ABCD3: variants seen among roughly 807,000 people sequenced by gnomAD.
ABCD3 encodes the protein ATP-binding cassette sub-family D member 3.
A neutral mutation model predicts 105.5 loss-of-function variants in ABCD3; 41 were observed. That is an observed-to-expected ratio of 0.39 (90% CI 0.30 to 0.50). The LOEUF is 0.50. ABCD3 is among the 20% of genes least tolerant of loss of function. The pLI, the probability that ABCD3 is intolerant of heterozygous loss-of-function variation, is 0.84. For synonymous variants in ABCD3, 258 were observed against 269.0 expected (o/e 0.96, Z 0.40); for missense variants, 622 against 806.3 (o/e 0.77, Z 2.77).
the ABCD3 span, among the ~76,000 whole-genome samples, chr1:94,402,935 C>T: frequency 6.1e-5 from 9 of 148,452 alleles, no homozygotes; most frequent in Non-Finnish European, 1.2e-4. Context: ...GTATATCTCC[C>T]AATGCTATCC....
At chr1:94,514,391 C>T (rs1650833466) in intron 21 of ABCD3, 1 of 151,612 alleles carries the variant, frequency 6.6e-6, no homozygotes, top group Non-Finnish European at 1.5e-5. Flanking sequence ...ACCTCCCCAC[C>T]TTGGTTGAGA....
At position 94,499,559 on chromosome 1, in the gene ABCD3, A is replaced by G; in HGVS notation, c.1685A>G (p.Asp562Gly). Reference sequence around the variant, plus strand: ...ATCCTTGAACGTGAAGGAGGCTGGGACAGTGTTCAGGATTGGATGGACGTA... The same window carrying G: ...ATCCTTGAACGTGAAGGAGGCTGGGGCAGTGTTCAGGATTGGATGGACGTA... ...GHILEREGGWDSVQDWMDVLS... is the reference protein window; with the variant it reads ...GHILEREGGWGSVQDWMDVLS... Residue 562 changes from aspartate to glycine, a missense_variant, in exon 20 of 23, where the codon GAC (aspartate) becomes GGC (glycine). Around this residue, in one of 4 missense-constraint regions of ABCD3, gnomAD observed 285 missense variants for 352.5 expected, o/e 0.81. Transcript: ENST00000370214. 6.2e-7 allele frequency: 1 copy of G among 1,613,834 alleles called. No homozygotes were observed. Among genetic ancestry groups the G allele is most frequent in the Non-Finnish European group, 8.5e-7 (1 of 1,179,814 alleles).
intron 22 of ABCD3, among the ~76,000 whole-genome samples, chr1:94,515,620 G>A (rs925450780): frequency 2.0e-5 from 3 of 151,884 alleles, no homozygotes; most frequent in Non-Finnish European, 4.4e-5. Flanking sequence ...GTTTATCAAT[G>A]TACTGTAGTA....
At chr1:94,394,362 C>T in the ABCD3 span, among the ~76,000 whole-genome samples, 1 of 152,268 alleles carries the variant, frequency 6.6e-6, no homozygotes, top group African/African-American at 2.4e-5. Flanking sequence ...GTGCCATGCT[C>T]CTTGCCATGT....
At chr1:94,483,864 G>A (rs1287949578) in intron 10 of ABCD3, among the ~76,000 whole-genome samples, 6 of 152,068 alleles carry the variant, frequency 3.9e-5, no homozygotes, top group Admixed American at 6.5e-5. Context: ...GCAACCTACA[G>A]AATGGGAGAA....
intron 1 of ABCD3, 125 bp downstream of exon 1, chr1:94,418,713 C>T: frequency 4.1e-6 from 4 of 971,378 alleles, no homozygotes; most frequent in Non-Finnish European, 6.2e-6. Flanking sequence ...GGGCCGACCG[C>T]GACTGCCGTG....
At chr1:94,460,315 C>G (rs1647804834) in intron 2 of ABCD3, among the ~76,000 whole-genome samples, 1 of 152,042 alleles carries the variant, frequency 6.6e-6, no homozygotes, top group Non-Finnish European at 1.5e-5. Context: ...TTTGCCTTTC[C>G]TTTCTTTCAC....
chr1:94,442,113 GC>G (rs1449622522), intron 1 of ABCD3, among the ~76,000 whole-genome samples: 3 of 152,136 alleles, frequency 2.0e-5, no homozygotes, highest in Non-Finnish European at 4.4e-5. Context: ...GAAGAATAAA[GC>G]AAATTTGTTA....
chr1:94,429,275 A>G (rs536780998), intron 1 of ABCD3, among the ~76,000 whole-genome samples: 2 of 152,330 alleles, frequency 1.3e-5, no homozygotes, highest in Admixed American at 6.5e-5. Flanking sequence ...AGCAGAGCAT[A>G]TAAGTTCAGA....
chr1:94,455,946 T>A, intron 1 of ABCD3: 1 of 732,944 alleles, frequency 1.4e-6, no homozygotes. Flanking sequence ...ATTTTTTTAT[T>A]TTTATGTTGA....
chr1:94,500,580 C>T (rs980911695), intron 20 of ABCD3, among the ~76,000 whole-genome samples: 1 of 152,094 alleles, frequency 6.6e-6, no homozygotes, highest in Non-Finnish European at 1.5e-5. Context: ...TCTCCTCTCC[C>T]CCTGCAGAGT....
the ABCD3 span, among the ~76,000 whole-genome samples, chr1:94,404,289 TCTA>T: frequency 2.0e-5 from 3 of 152,196 alleles, no homozygotes; most frequent in Admixed American, 6.5e-5. Flanking sequence ...AATAAACAAG[TCTA>T]CTATAATGAG....
At chr1:94,487,438 A>G in intron 10 of ABCD3, 104 bp from the exon 11 acceptor site, 1 of 1,012,824 alleles carries the variant, frequency 9.9e-7, no homozygotes, top group Non-Finnish European at 1.5e-6. Context: ...GCACTCAGTA[A>G]ATATTTGTTG....
At chr1:94,485,685 G>T (rs1047964858) in intron 10 of ABCD3, among the ~76,000 whole-genome samples, 2 of 152,018 alleles carry the variant, frequency 1.3e-5, no homozygotes, top group Non-Finnish European at 2.9e-5. Flanking sequence ...TTCCTTAAAA[G>T]TATATATATA....
chr1:94,445,731 A>G (rs1375029694), intron 1 of ABCD3, among the ~76,000 whole-genome samples: 1 of 152,168 alleles, frequency 6.6e-6, no homozygotes, highest in African/African-American at 2.4e-5. Flanking sequence ...ACAGGGACCA[A>G]AAGAACTGTA....
At chr1:94,469,467 A>G (rs559909434) in intron 4 of ABCD3, among the ~76,000 whole-genome samples, 5 of 147,214 alleles carry the variant, frequency 3.4e-5, no homozygotes, top group Admixed American at 1.4e-4. Context: ...GTGTTTACAA[A>G]TTGGCAGTTA....
chr1:94,419,144 C>T (rs1430883157), intron 1 of ABCD3, among the ~76,000 whole-genome samples: 1 of 152,180 alleles, frequency 6.6e-6, no homozygotes, highest in African/African-American at 2.4e-5. Context: ...AAACTATTCC[C>T]GGTCCACTTG....
At position 94,489,985 on chromosome 1, in the gene ABCD3, GA is replaced by G; in HGVS notation, c.1322+15del. The G allele has an allele frequency of 6.2e-7, 1 of 1,610,620 alleles. No individual in the cohort carries two copies. The highest frequency in any genetic ancestry group is 8.5e-7 in the Non-Finnish European group (1 of 1,177,148). ...CAGATAACATTATAAAGTACGTACA[GA>G]AAAAGGTCTTTTAGCACCATAAATG... is the stretch of plus-strand genomic sequence containing the variant. On this transcript the variant is annotated intron_variant, in intron 15 of 22. Transcript: ENST00000370214.
At chr1:94,495,278 G>A (rs1357534291) in intron 16 of ABCD3, among the ~76,000 whole-genome samples, 3 of 151,910 alleles carry the variant, frequency 2.0e-5, no homozygotes, top group Non-Finnish European at 4.4e-5. Context: ...GTATTATTTG[G>A]GGGGTATATT....
Sources: gnomAD v4.1 joint callset for allele counts (sites outside exome capture counted in the v4.1 genomes callset) on GRCh38, gnomAD v4.1.1 for gene constraint, gnomAD v4.1.1 regional missense constraint, MANE v1.5 for transcripts, NCBI Gene and HGNC (gene_info 2026-07-23, HGNC 2026-07-21) for gene names.